Variants in ELAPOR2 observed in about 807,000 individuals in gnomAD.
The protein encoded by ELAPOR2 is endosome-lysosome associated apoptosis and autophagy regulator family member 2.
ELAPOR2 carries 89 observed loss-of-function variants against 120.7 expected under a neutral mutation model. The ratio of observed to expected loss-of-function variants is 0.74; its 90% CI spans 0.62 to 0.88. ELAPOR2 has a LOEUF of 0.88. Among genes scored for constraint, ELAPOR2 ranks in the 40% least tolerant of loss-of-function variants. The pLI is 0.00. For synonymous variants in ELAPOR2, 444 were observed against 444.9 expected (o/e 1.00, Z 0.03); for missense variants, 1,134 against 1,251.6 (o/e 0.91, Z 1.42).
intron 1 of ELAPOR2, among the ~76,000 whole-genome samples, chr7:86,998,827 T>A (rs1245237084): frequency 1.3e-5 from 2 of 150,524 alleles, no homozygotes; most frequent in African/African-American, 2.5e-5. Flanking sequence ...CCAATTCTTT[T>A]TAGAATTCCA....
In ELAPOR2 at chr7:86,903,076, C is replaced by T. The variant is rs74964031; in HGVS notation, c.2558+4594G>A. Among the ~76,000 whole-genome samples the T allele has an allele frequency of 5.8e-3, 881 of 152,192 alleles. 11 individuals carry two copies. The highest frequency in any genetic ancestry group is 0.02 in the African/African-American group (815 of 41,536). Reference sequence around the variant, plus strand: ...CCAAAAGCCAGCATCAGATCAAAACCGAGACAAACTAAATTAACTGACATT... The same window carrying T: ...CCAAAAGCCAGCATCAGATCAAAACTGAGACAAACTAAATTAACTGACATT... On this transcript the variant is annotated intron_variant, in intron 18 of 21. Transcript: ENST00000450689.
intron 8 of ELAPOR2, among the ~76,000 whole-genome samples, chr7:86,929,230 G>A (rs184448575): frequency 7.2e-5 from 11 of 152,040 alleles, no homozygotes; most frequent in Admixed American, 5.2e-4. Flanking sequence ...CTACAATTTA[G>A]GCAAATTTTG....
At chr7:86,932,402 T>G (rs1374986610) in intron 8 of ELAPOR2, among the ~76,000 whole-genome samples, 2 of 151,858 alleles carry the variant, frequency 1.3e-5, no homozygotes, top group Non-Finnish European at 2.9e-5. Context: ...TGAAACATAT[T>G]TTTAAAATTC....
At chr7:87,048,875 A>G (rs1795023887) in intron 1 of ELAPOR2, among the ~76,000 whole-genome samples, 1 of 152,236 alleles carries the variant, frequency 6.6e-6, no homozygotes, top group Non-Finnish European at 1.5e-5. Context: ...CAGAGTATAC[A>G]GTTTATGTCC....
intron 1 of ELAPOR2, among the ~76,000 whole-genome samples, chr7:86,973,897 T>C (rs1235460835): frequency 6.6e-6 from 1 of 152,130 alleles, no homozygotes; most frequent in East Asian, 1.9e-4. Flanking sequence ...TATTGGTTTC[T>C]ATTATATGAC....
intron 1 of ELAPOR2, among the ~76,000 whole-genome samples, chr7:87,003,389 G>A (rs909227617): frequency 1.3e-5 from 2 of 152,012 alleles, no homozygotes; most frequent in Admixed American, 1.3e-4. Flanking sequence ...GTTGGGGGAG[G>A]GTACTGGTAG....
intron 1 of ELAPOR2, among the ~76,000 whole-genome samples, chr7:87,039,301 T>C (rs1478191198): frequency 3.9e-5 from 6 of 151,946 alleles, no homozygotes; most frequent in Admixed American, 2.6e-4. Context: ...TGGGACCCAA[T>C]GGCTTCACTG....
chr7:86,899,685 T>C (rs980719363), intron 18 of ELAPOR2, among the ~76,000 whole-genome samples: 1 of 152,148 alleles, frequency 6.6e-6, no homozygotes, highest in Non-Finnish European at 1.5e-5. Context: ...TGCCTATCTT[T>C]CCAAAGTGTC....
At position 86,926,880 on chromosome 7, in the gene ELAPOR2, A is replaced by T; in HGVS notation, c.1126T>A (p.Cys376Ser). 1 of 1,546,434 alleles carries T rather than the reference A, an allele frequency of 6.5e-7. No individual in the cohort carries two copies. The highest frequency in any genetic ancestry group is 1.1e-5 in the South Asian group (1 of 87,310). The change falls in exon 9 of 22, where the codon TGC (cysteine) becomes AGC (serine). Residue 376 changes from cysteine (C) to serine (S), a missense_variant. Cys to Ser is a moderately radical substitution (Grantham distance 112, BLOSUM62 -1). Coordinates refer to ENST00000450689, the MANE Select transcript of ELAPOR2 (RefSeq NM_001142749.3). ...ATAGCATCTGTGAGATCCTCCCGGC[A>T]GATTTTGGGCTCTATCCACTTGTAC... Reference protein sequence around the residue: ...IMYKWIEPKICREDLTDAIRL... With the variant: ...IMYKWIEPKISREDLTDAIRL...
At chr7:87,005,038 G>A (rs903817106) in intron 1 of ELAPOR2, among the ~76,000 whole-genome samples, 1 of 152,076 alleles carries the variant, frequency 6.6e-6, no homozygotes, top group African/African-American at 2.4e-5. Flanking sequence ...TGTATGGGCT[G>A]AGTGCAAGGT....
At chr7:86,904,790 C>T (rs1788893266) in intron 18 of ELAPOR2, among the ~76,000 whole-genome samples, 1 of 152,076 alleles carries the variant, frequency 6.6e-6, no homozygotes, top group Non-Finnish European at 1.5e-5. Flanking sequence ...TGACATTTTC[C>T]CAGGACACCA....
Position 87,000,419 on chromosome 7 carries a change from T to C in ELAPOR2, c.190-35395A>G, listed in dbSNP as rs199941006. ...TATTAAGGTGTCATGTAAATACAAT[T>C]CCTGCCAGAGATGCCTGAAGTTGTC... On this transcript the variant is annotated intron_variant, in intron 1 of 21. Coordinates refer to ENST00000450689, the MANE Select transcript of ELAPOR2 (RefSeq NM_001142749.3). Among the ~76,000 whole-genome samples, 7 of 152,004 alleles carry C rather than the reference T, an allele frequency of 4.6e-5. No individual in the cohort carries two copies. In the East Asian group the frequency reaches 1.4e-3, roughly 29 times the overall value.
In ELAPOR2 at chr7:86,942,022, T is replaced by C; in HGVS notation, c.737A>G (p.His246Arg). ...AGGAAATACAAAGAGACTTACAGAA[T>C]GAGAGCCCCATTCTCCATTGTCTGT... ...KLTDNGEWGS[H>R]SVMLKSGTNI... The change falls in exon 5 of 22, where the codon CAT (histidine) becomes CGT (arginine). Residue 246 changes from histidine (H) to arginine (R), a missense_variant. Coordinates refer to ENST00000450689, the MANE Select transcript of ELAPOR2 (RefSeq NM_001142749.3). 1 of 1,532,564 alleles carries C rather than the reference T, an allele frequency of 6.5e-7. No individual in the cohort carries two copies. The highest frequency in any genetic ancestry group is 1.2e-5 in the South Asian group (1 of 83,576). 94.9% of individuals were successfully genotyped at this position (1,532,564 alleles called of 1,614,324 possible).
intron 1 of ELAPOR2, among the ~76,000 whole-genome samples, chr7:87,032,820 C>A (rs1163744075): frequency 1.3e-5 from 2 of 152,160 alleles, no homozygotes; most frequent in Non-Finnish European, 2.9e-5. Context: ...TCTGCACAGA[C>A]ATGCTATCAA....
At position 86,914,717 on chromosome 7, in the gene ELAPOR2, A is replaced by C. The variant is rs1323899382; in HGVS notation, c.1731+6T>G. Reference sequence around the variant, plus strand: ...AAAATTTTAAAAAAAAGTGCTTGGAACTTACATCTTGACCCTGATTAGTTC... The same window carrying C: ...AAAATTTTAAAAAAAAGTGCTTGGACCTTACATCTTGACCCTGATTAGTTC... On this transcript the variant is annotated splice_donor_region_variant and intron_variant, in intron 13 of 21. Coordinates refer to ENST00000450689, the MANE Select transcript of ELAPOR2 (RefSeq NM_001142749.3). 6.3e-7 allele frequency: 1 copy of C among 1,598,936 alleles called. No homozygotes were observed. Among genetic ancestry groups the C allele is most frequent in the Non-Finnish European group, 8.5e-7 (1 of 1,174,710 alleles).
Position 86,879,429 on chromosome 7 carries a change from T to C in ELAPOR2, c.*1042A>G, listed in dbSNP as rs1584293690. 6.6e-6 allele frequency: 1 copy of C among 152,192 alleles called. No individual in the cohort carries two copies. Among genetic ancestry groups the C allele is most frequent in the African/African-American group, 2.4e-5 (1 of 41,454 alleles). 9.4% of individuals were successfully genotyped at this position (152,192 alleles called of 1,614,324 possible). On this transcript the variant is annotated 3_prime_UTR_variant, in exon 22 of 22. Coordinates refer to ENST00000450689, the MANE Select transcript of ELAPOR2 (RefSeq NM_001142749.3). ...TTTTCAAAACTGAATTCCTGCCTTA[T>C]TGGATTATTTTTTTAAAAAGTTTCT...
chr7:86,909,698 A>G (rs1174848425), intron 16 of ELAPOR2, 114 bp downstream of exon 16: 2 of 883,908 alleles, frequency 2.3e-6, no homozygotes, highest in Non-Finnish European at 3.4e-6. Flanking sequence ...ACAATTTAAA[A>G]TTACCTGTGG....
Position 86,947,670 on chromosome 7 carries a change from C to T in ELAPOR2, c.506+57G>A, listed in dbSNP as rs773666358. On this transcript the variant is annotated intron_variant, in intron 3 of 21. Transcript: ENST00000450689. The stretch of plus-strand genomic sequence containing the variant: ...TCCTCATCTTCTTTCTGGAAAAGAG[C>T]AACTACTTTCTTCTCAAATATTCAG... 2.9e-6 allele frequency: 4 copies of T among 1,389,654 alleles called. No homozygotes were observed. In the Admixed American group the frequency reaches 8.7e-5, roughly 30 times the overall value. The allele number at this position is 1,389,654 out of a possible 1,614,324, so 86.1% of individuals were successfully genotyped here.
At chr7:86,923,535 T>A (rs1399231888) in intron 10 of ELAPOR2, among the ~76,000 whole-genome samples, 1 of 152,086 alleles carries the variant, frequency 6.6e-6, no homozygotes, top group Non-Finnish European at 1.5e-5. Flanking sequence ...TTTTCTCCTA[T>A]TTTTCACTCT....
Sources: gnomAD v4.1 joint callset for allele counts (sites outside exome capture counted in the v4.1 genomes callset) on GRCh38, gnomAD v4.1.1 for gene constraint, MANE v1.5 for transcripts, NCBI Gene and HGNC (gene_info 2026-07-23, HGNC 2026-07-21) for gene names.